Variants in COL15A1 observed in about 807,000 individuals in gnomAD.
The protein encoded by COL15A1 is collagen alpha-1(XV) chain.
A neutral mutation model predicts 165.9 loss-of-function variants in COL15A1; 111 were observed. The observed-to-expected ratio is 0.67, with a 90% confidence interval of 0.57 to 0.78. The LOEUF is 0.78. COL15A1 is among the 30% of genes least tolerant of loss of function. The pLI, the probability that COL15A1 is intolerant of heterozygous loss-of-function variation, is 0.00. For missense variants in COL15A1, 1,745 were observed against 1,789.7 expected, an observed-to-expected ratio of 0.98 and a Z score of 0.45; for synonymous variants, 659 against 674.8, an observed-to-expected ratio of 0.98 and a Z score of 0.36.
chr9:99,023,554 G>T (rs1356143882), intron 14 of COL15A1, 105 bp downstream of exon 14: 2 of 630,138 alleles, frequency 3.2e-6, no homozygotes, highest in Non-Finnish European at 5.8e-6. Flanking sequence ...ATTGGCTGCT[G>T]CTGGGGTTGC....
chr9:99,045,434 A>G lies in COL15A1; in HGVS notation c.2679+664A>G, dbSNP rs80222307. Among the ~76,000 whole-genome samples, 3 of 152,358 alleles carry G rather than the reference A, an allele frequency of 2.0e-5. No individual in the cohort carries two copies. In the East Asian group the frequency reaches 5.8e-4, roughly 29 times the overall value. The stretch of plus-strand genomic sequence containing the variant: ...TGCACATTGAAGAGACTGAATTAGT[A>G]CTAAATGATATTAGGGCCCTTCTGG... On this transcript the variant is annotated intron_variant, in intron 26 of 41. Transcript: ENST00000375001.
At position 99,048,151 on chromosome 9, in the gene COL15A1, G is replaced by C. The variant is rs986932744; in HGVS notation, c.2793+151G>C. ...GCCAAAGGTCCTCCCACCCAGCCCT[G>C]TCCTTCAGCTCCCTCTCAGGAGGGT... On this transcript the variant is annotated intron_variant, in intron 28 of 41. Transcript: ENST00000375001. The C allele has an allele frequency of 8.7e-6, 6 of 687,914 alleles. No individual in the cohort carries two copies. In the African/African-American group the frequency reaches 8.8e-5, roughly 10 times the overall value. The allele number at this position is 687,914 out of a possible 1,614,324, so 42.6% of individuals were successfully genotyped here. A position where few individuals can be genotyped will look rare whatever the true frequency, so the allele number is the denominator to read the frequency against.
chr9:98,947,821 G>C (rs1310507199), intron 2 of COL15A1, among the ~76,000 whole-genome samples: 1 of 152,142 alleles, frequency 6.6e-6, no homozygotes, highest in Non-Finnish European at 1.5e-5. Flanking sequence ...GTTTTTTGCA[G>C]GTAGTTGATC....
In COL15A1 at chr9:99,004,446, G is replaced by A. The variant is rs943002341; in HGVS notation, c.1201-452G>A. Among the ~76,000 whole-genome samples the A allele has an allele frequency of 6.6e-5, 10 of 152,276 alleles. No homozygotes were observed. In the East Asian group the frequency reaches 1.3e-3, roughly 21 times the overall value. ...TGGGGAGAGCAGCTTCAGGGCTATC[G>A]GAGCGGTGGAAGCCAGATGGCACTG... On this transcript the variant is annotated intron_variant, in intron 8 of 41. Coordinates refer to ENST00000375001, the MANE Select transcript of COL15A1 (RefSeq NM_001855.5).
intron 9 of COL15A1, among the ~76,000 whole-genome samples, chr9:99,012,929 G>T (rs1420735850): frequency 6.6e-6 from 1 of 151,974 alleles, no homozygotes; most frequent in Admixed American, 6.6e-5. Flanking sequence ...GGCCAGGCTG[G>T]TCTCGAACTC....
chr9:99,026,215 C>T (rs1349261713), intron 16 of COL15A1, among the ~76,000 whole-genome samples: 1 of 152,224 alleles, frequency 6.6e-6, no homozygotes, highest in Non-Finnish European at 1.5e-5. Context: ...ACCTGGTCAC[C>T]TGGAGCGAGA....
chr9:99,026,032 C>T lies in COL15A1; in HGVS notation c.2043+66C>T, dbSNP rs375012454. ...CAGGCCCACACTACTCTCTCTGACCCCTAAACCTGACCTTGCCTCTTATGT... is the reference window on the plus strand; with the variant it reads ...CAGGCCCACACTACTCTCTCTGACCTCTAAACCTGACCTTGCCTCTTATGT... On this transcript the variant is annotated intron_variant, in intron 16 of 41. Transcript: ENST00000375001. 2.7e-6 allele frequency: 4 copies of T among 1,458,458 alleles called. No homozygotes were observed. In the African/African-American group the frequency reaches 5.6e-5, roughly 20 times the overall value. 90.3% of individuals were successfully genotyped at this position (1,458,458 alleles called of 1,614,324 possible).
rs1173382493 is a variant in COL15A1, at chr9:99,063,132, A to C, written c.3651+23A>C. 3.2e-6 allele frequency: 5 copies of C among 1,572,550 alleles called. No homozygotes were observed. In the South Asian group the frequency reaches 3.6e-5, roughly 11 times the overall value. ...GCTGTAAGTACAATTTATACATTTA[A>C]TCTTCAAATACTGAGTGTATATCTG... On this transcript the variant is annotated intron_variant, in intron 39 of 41. Transcript: ENST00000375001.
intron 5 of COL15A1, among the ~76,000 whole-genome samples, chr9:98,995,310 G>A (rs1002524249): frequency 6.6e-6 from 1 of 152,066 alleles, no homozygotes; most frequent in Non-Finnish European, 1.5e-5. Flanking sequence ...CTGCTGCCCT[G>A]GTTCCTGTCT....
At position 99,035,087 on chromosome 9, in the gene COL15A1, G is replaced by A. The variant is rs774470250; in HGVS notation, c.2153G>A (p.Gly718Glu). Residue 718 changes from glycine (G) to glutamate (E), a missense_variant, in exon 18 of 42, where the codon GGA becomes GAA. Transcript: ENST00000375001. ...CAAGCTGGCCCTCCTGGGGTCATGG[G>A]ACCCCCAGGGCCTCCTGGACCCCCT... ...KGQAGPPGVM[G>E]PPGPPGPPGP... The A allele has an allele frequency of 6.2e-7, 1 of 1,604,652 alleles. No individual in the cohort carries two copies. The highest frequency in any genetic ancestry group is 1.1e-5 in the South Asian group (1 of 90,872).
Position 99,025,919 on chromosome 9 carries a change from C to T in COL15A1, c.1996C>T (p.Pro666Ser). 1.9e-6 allele frequency: 3 copies of T among 1,613,078 alleles called. No homozygotes were observed. Among genetic ancestry groups the T allele is most frequent in the Non-Finnish European group, 2.5e-6 (3 of 1,179,688 alleles). ...EPGPPGPEGQ[P>S]GVDGATGLPG... Reference sequence around the variant, plus strand: ...TGTTCCCCAGGGCCCTGAGGGACAGCCTGGAGTTGATGGAGCCACCGGCCT... The same window carrying T: ...TGTTCCCCAGGGCCCTGAGGGACAGTCTGGAGTTGATGGAGCCACCGGCCT... Residue 666 changes from proline to serine, a missense_variant, in exon 16 of 42, where the codon CCT becomes TCT. Transcript: ENST00000375001.
chr9:99,004,384 A>C (rs1466012922), intron 8 of COL15A1, among the ~76,000 whole-genome samples: 1 of 152,100 alleles, frequency 6.6e-6, no homozygotes, highest in African/African-American at 2.4e-5. Flanking sequence ...GGGCTGAGAA[A>C]CATCCATTGA....
At chr9:98,973,249 A>G (rs1838090033) in intron 2 of COL15A1, among the ~76,000 whole-genome samples, 1 of 151,958 alleles carries the variant, frequency 6.6e-6, no homozygotes, top group Admixed American at 6.5e-5. Flanking sequence ...AGAGAAAGAG[A>G]GAGAGGGAGA....
At chr9:99,034,903 AT>A in intron 17 of COL15A1, 110 bp from the exon 18 acceptor site, 2 of 1,026,860 alleles carry the variant, frequency 1.9e-6, no homozygotes, top group Non-Finnish European at 1.5e-6. Flanking sequence ...CGATCAGAGA[AT>A]TCATCAACCT....
intron 2 of COL15A1, among the ~76,000 whole-genome samples, chr9:98,974,211 C>T (rs957904999): frequency 2.0e-5 from 3 of 152,092 alleles, no homozygotes; most frequent in Non-Finnish European, 2.9e-5. Context: ...GTCAGGTGGC[C>T]GTGAGTGGAG....
chr9:99,055,446 C>CCT, intron 34 of COL15A1, 74 bp downstream of exon 34: 1 of 864,018 alleles, frequency 1.2e-6, no homozygotes, highest in Non-Finnish European at 2.0e-6. Flanking sequence ...TGGGACTAGG[C>CCT]AGTTAGGGCT....
At chr9:98,988,659 A>G (rs1838359210) in intron 4 of COL15A1, among the ~76,000 whole-genome samples, 1 of 152,204 alleles carries the variant, frequency 6.6e-6, no homozygotes. Flanking sequence ...GCAGTAGCTC[A>G]CGCCTGTAAT....
chr9:98,944,341 T>A, intron 2 of COL15A1, 91 bp downstream of exon 2: 2 of 1,267,498 alleles, frequency 1.6e-6, no homozygotes, highest in Non-Finnish European at 2.2e-6. Context: ...GATGCGTGCC[T>A]CATTCCTGGA....
Position 98,950,590 on chromosome 9 carries a change from T to TCCTC in COL15A1, c.100+6353_100+6356dup, listed in dbSNP as rs977699778. On this transcript the variant is annotated intron_variant, in intron 2 of 41. Transcript: ENST00000375001. ...TTCCTTCCTTCCTTCCTTCCTTCCT[T>TCCTC]CCTCCCTCCCTCCCTCTCTCTCTTC... Among the ~76,000 whole-genome samples the TCCTC allele has an allele frequency of 2.6e-3, 241 of 93,910 alleles. 2 individuals carry two copies. The highest frequency in any genetic ancestry group is 5.6e-3 in the East Asian group (15 of 2,696). 61.6% of individuals were successfully genotyped at this position (93,910 alleles called of 152,430 possible). A position where few individuals can be genotyped will look rare whatever the true frequency, so the allele number is the denominator to read the frequency against.
Sources: allele counts gnomAD v4.1 joint callset (sites outside exome capture counted in the v4.1 genomes callset), GRCh38; gene constraint gnomAD v4.1.1; transcripts MANE v1.5; gene names NCBI Gene and HGNC (gene_info 2026-07-23, HGNC 2026-07-21).